Variants in FGF12 observed in about 807,000 individuals in gnomAD.
FGF12 encodes fibroblast growth factor 12.
A neutral mutation model predicts 23.6 loss-of-function variants in FGF12; 14 were observed. The ratio of observed to expected loss-of-function variants is 0.59; its 90% CI spans 0.39 to 0.93. FGF12 has a LOEUF of 0.93. Among genes scored for constraint, FGF12 ranks in the 40% least tolerant of loss-of-function variants. The pLI is 0.00. For synonymous variants in FGF12, 62 were observed against 77.3 expected, an observed-to-expected ratio of 0.80 and a Z score of 1.04; for missense variants, 175 against 217.8, an observed-to-expected ratio of 0.80 and a Z score of 1.24.
intron 2 of FGF12, among the ~76,000 whole-genome samples, chr3:192,567,916 T>C (rs557857051): frequency 6.6e-6 from 1 of 151,740 alleles, no homozygotes; most frequent in African/African-American, 2.4e-5. Flanking sequence ...CACTACAACT[T>C]CCCCCTCCTA....
chr3:192,639,429 G>T (rs542690922), intron 2 of FGF12, among the ~76,000 whole-genome samples: 2 of 152,322 alleles, frequency 1.3e-5, no homozygotes, highest in East Asian at 3.9e-4. Flanking sequence ...ATTACCACAA[G>T]ACCCAGCAAT....
At chr3:192,432,620 C>CAAAAAAAAAAAA (rs201364119) in intron 2 of FGF12, among the ~76,000 whole-genome samples, 2 of 106,694 alleles carry the variant, frequency 1.9e-5, no homozygotes, top group African/African-American at 3.7e-5. Context: ...TGACATCTGG[C>CAAAAAAAAAAAA]AAAAAAAAAA....
At chr3:192,267,919 T>C (rs1013639170) in intron 4 of FGF12, among the ~76,000 whole-genome samples, 3 of 152,294 alleles carry the variant, frequency 2.0e-5, no homozygotes, top group Middle Eastern at 3.4e-3. Flanking sequence ...CAAATCATAG[T>C]TCTCCTTCCA....
intron 4 of FGF12, among the ~76,000 whole-genome samples, chr3:192,333,146 A>G (rs752463143): frequency 2.6e-5 from 4 of 151,998 alleles, no homozygotes; most frequent in Non-Finnish European, 5.9e-5. Flanking sequence ...TGAAACCACA[A>G]CCCAGCAATC....
intron 4 of FGF12, among the ~76,000 whole-genome samples, chr3:192,315,178 G>A (rs754451630): frequency 3.9e-5 from 6 of 152,158 alleles, no homozygotes; most frequent in Admixed American, 6.5e-5. Context: ...GTGGGCTTGT[G>A]GAGCATGCTG....
chr3:192,596,094 A>AAATATAATATAATGT (rs1553836798), intron 2 of FGF12, among the ~76,000 whole-genome samples: 6 of 99,480 alleles, frequency 6.0e-5, no homozygotes, highest in Non-Finnish European at 1.3e-4. Context: ...CCTGACTCAA[A>AAATATAATATAATGT]AATATAATAT....
At chr3:192,687,049 T>C (rs62294809) in intron 2 of FGF12, among the ~76,000 whole-genome samples, 7,912 of 151,268 alleles carry the variant, frequency 0.052, 278 homozygotes, top group Non-Finnish European at 0.077. Context: ...CAGGATGGTC[T>C]CCATCTCCTG....
At chr3:192,232,856 T>C (rs1452795826) in intron 4 of FGF12, among the ~76,000 whole-genome samples, 4 of 152,164 alleles carry the variant, frequency 2.6e-5, no homozygotes, top group African/African-American at 7.2e-5. Flanking sequence ...TGCAGCTTCA[T>C]CCATGTTGCT....
chr3:192,160,605 ATTTTTAATTGCGTAT>A (rs1714812986), intron 5 of FGF12, among the ~76,000 whole-genome samples: 1 of 152,094 alleles, frequency 6.6e-6, no homozygotes, highest in Non-Finnish European at 1.5e-5. Context: ...ATGCTTGCTT[ATTTTTAATTGCGTAT>A]TTTTTACCCA....
At chr3:192,551,558 T>C (rs1196744594) in intron 2 of FGF12, among the ~76,000 whole-genome samples, 3 of 152,198 alleles carry the variant, frequency 2.0e-5, no homozygotes, top group African/African-American at 7.2e-5. Context: ...GTGAGAAAGC[T>C]TCACTGAGCA....
intron 5 of FGF12, among the ~76,000 whole-genome samples, chr3:192,148,494 G>T (rs1011863502): frequency 6.6e-6 from 1 of 152,156 alleles, no homozygotes; most frequent in Non-Finnish European, 1.5e-5. Flanking sequence ...GTTTCAGTTG[G>T]GGGAGATGAA....
intron 4 of FGF12, among the ~76,000 whole-genome samples, chr3:192,202,835 A>G (rs1218021426): frequency 1.3e-5 from 2 of 152,204 alleles, no homozygotes; most frequent in Non-Finnish European, 2.9e-5. Context: ...GCTATAACAC[A>G]GTGAGCAGCT....
At chr3:192,450,769 T>C (rs963747481) in intron 2 of FGF12, among the ~76,000 whole-genome samples, 2 of 152,198 alleles carry the variant, frequency 1.3e-5, no homozygotes, top group Admixed American at 6.5e-5. Context: ...AGTGAAGAGA[T>C]CATTTAGCCT....
chr3:192,247,090 AAGGAAGGAAG>A (rs1711665495), intron 4 of FGF12, among the ~76,000 whole-genome samples: 2 of 127,606 alleles, frequency 1.6e-5, no homozygotes, highest in African/African-American at 6.0e-5. Flanking sequence ...GGAAGGAAGG[AAGGAAGGAAG>A]GAATATCCTA....
At chr3:192,373,544 C>A (rs1393145389) in intron 2 of FGF12, among the ~76,000 whole-genome samples, 1 of 152,120 alleles carries the variant, frequency 6.6e-6, no homozygotes, top group Non-Finnish European at 1.5e-5. Flanking sequence ...ATAATCTAGA[C>A]AAACTATATT....
At position 192,506,944 on chromosome 3, in the gene FGF12, T is replaced by G. The variant is rs145027639; in HGVS notation, c.14-146406A>C. On this transcript the variant is annotated intron_variant, in intron 2 of 5. Transcript: ENST00000445105. ...TCTTGCATTGTCACCCAGGCTGGAG[T>G]GTAGTGGTGTGATCTCGGCTCACTG... is the stretch of plus-strand genomic sequence containing the variant. 4.2e-3 allele frequency among the ~76,000 whole-genome samples: 614 copies of G among 144,890 alleles called. 5 individuals carry two copies. Among genetic ancestry groups the G allele is most frequent in the African/African-American group, 0.015 (598 of 38,786 alleles).
intron 5 of FGF12, among the ~76,000 whole-genome samples, chr3:192,159,943 AGTGT>A (rs10575323): frequency 0.14 from 21,443 of 148,970 alleles, 1,710 homozygotes; most frequent in Middle Eastern, 0.31. Context: ...ATATTTAAGT[AGTGT>A]GTGTGTGTGT....
At chr3:192,714,192 A>G (rs1718786157) in intron 2 of FGF12, among the ~76,000 whole-genome samples, 1 of 152,220 alleles carries the variant, frequency 6.6e-6, no homozygotes, top group Non-Finnish European at 1.5e-5. Context: ...ATCCAGGATT[A>G]TGGAGATTAG....
intron 2 of FGF12, among the ~76,000 whole-genome samples, chr3:192,575,134 G>C (rs895761812): frequency 6.6e-6 from 1 of 152,176 alleles, no homozygotes; most frequent in Non-Finnish European, 1.5e-5. Context: ...AAGCCTAGAA[G>C]AGACAAACTA....
Sources: gnomAD v4.1 joint callset for allele counts (sites outside exome capture counted in the v4.1 genomes callset) on GRCh38, gnomAD v4.1.1 for gene constraint, MANE v1.5 for transcripts, NCBI Gene and HGNC (gene_info 2026-07-23, HGNC 2026-07-21) for gene names.